The following FUBP3 variants were observed in gnomAD, a reference collection of about 807,000 sequenced individuals.
The protein encoded by FUBP3 is far upstream element-binding protein 3.
A neutral mutation model predicts 85.6 loss-of-function variants in FUBP3; 28 were observed. The ratio of observed to expected loss-of-function variants is 0.33; its 90% CI spans 0.24 to 0.45. The LOEUF (loss-of-function observed/expected upper bound fraction) is 0.45, where lower values mean the gene tolerates loss of function less well. FUBP3 is among the 20% of genes least tolerant of loss of function. The pLI is 1.00. For synonymous variants in FUBP3, 271 were observed against 271.4 expected (o/e 1.00, Z 0.01); for missense variants, 583 against 755.1 (o/e 0.77, Z 2.67).
rs565536810 is a variant in FUBP3, at chr9:130,613,505, G to T, written c.346+478G>T. 9.6e-4 allele frequency among the ~76,000 whole-genome samples: 146 copies of T among 152,276 alleles called. 1 individual carries two copies. The highest frequency in any genetic ancestry group is 1.9e-3 in the Non-Finnish European group (126 of 68,012). On this transcript the variant is annotated intron_variant, in intron 5 of 18. Transcript: ENST00000319725. ...ACATGTTTTATGACCTTTCCTAGCT[G>T]GGTCCATTTTGACCATGCAACATGG...
rs1039075877 is a variant in FUBP3, at chr9:130,616,083, G to A, written c.405-272G>A. ...TCCTAATAGGAGACGACACCTTTGT[G>A]GAGACACAAGCATGAGCAGAGGGCA... On this transcript the variant is annotated intron_variant, in intron 6 of 18. Transcript: ENST00000319725. This position sits in a 1 kb window ranked among gnomAD's most constrained non-coding sequence, Gnocchi z 4.7. Among the ~76,000 whole-genome samples, 1 of 152,204 alleles carries A rather than the reference G, an allele frequency of 6.6e-6. No homozygotes were observed. Among genetic ancestry groups the A allele is most frequent in the Non-Finnish European group, 1.5e-5 (1 of 68,034 alleles).
At chr9:130,585,606 G>T (rs558883831) in intron 1 of FUBP3, among the ~76,000 whole-genome samples, 9 of 152,314 alleles carry the variant, frequency 5.9e-5, no homozygotes, top group African/African-American at 2.2e-4. Context: ...CTTCTTTACT[G>T]TAGGACTTCT....
In FUBP3 at chr9:130,616,306, G is replaced by C; in HGVS notation, c.405-49G>C. 2 of 1,587,402 alleles carry C rather than the reference G, an allele frequency of 1.3e-6. No homozygotes were observed. Among genetic ancestry groups the C allele is most frequent in the Non-Finnish European group, 1.7e-6 (2 of 1,157,086 alleles). Reference sequence around the variant, plus strand: ...GCTATTTCCCTGTCTTGCACACTTAGAGCCTCCATTTAATGCTGGTTCTCT... The same window carrying C: ...GCTATTTCCCTGTCTTGCACACTTACAGCCTCCATTTAATGCTGGTTCTCT... On this transcript the variant is annotated intron_variant, in intron 6 of 18. Coordinates refer to ENST00000319725, the MANE Select transcript of FUBP3 (RefSeq NM_003934.2). This position sits in a 1 kb window ranked among gnomAD's most constrained non-coding sequence, Gnocchi z 4.7.
intron 1 of FUBP3, among the ~76,000 whole-genome samples, chr9:130,590,021 A>ATTTTTTTTTTTTT (rs60878897): frequency 2.2e-5 from 1 of 45,970 alleles, no homozygotes; most frequent in African/African-American, 9.6e-5. Flanking sequence ...GGCCTATTTA[A>ATTTTTTTTTTTTT]TTTTTTTTTT....
chr9:130,631,272 A>C, intron 13 of FUBP3: 1 of 1,336,182 alleles, frequency 7.5e-7, no homozygotes. Context: ...GGCCAGCCTA[A>C]GTTGACGGGA....
chr9:130,624,649 G>A (rs1386286520), intron 11 of FUBP3, among the ~76,000 whole-genome samples: 1 of 140,236 alleles, frequency 7.1e-6, no homozygotes, highest in South Asian at 2.2e-4. Context: ...GTGTGTGTGT[G>A]TGTTTTTAAG....
At position 130,637,312 on chromosome 9, in the gene FUBP3, C is replaced by G. The variant is rs115100692; in HGVS notation, c.*290C>G. ...ACCAGAATGTGCCTCAGAGCTGTGA[C>G]ATTTCAACATGATGGTTTTGGTTTG... On this transcript the variant is annotated 3_prime_UTR_variant, in exon 19 of 19. Coordinates refer to ENST00000319725, the MANE Select transcript of FUBP3 (RefSeq NM_003934.2). 2,142 of 404,236 alleles carry G rather than the reference C, an allele frequency of 5.3e-3. 38 individuals are homozygous for G. The highest frequency in any genetic ancestry group is 0.04 in the African/African-American group (1,968 of 49,564). The allele number at this position is 404,236 out of a possible 1,614,324, so 25.0% of individuals were successfully genotyped here.
Position 130,606,024 on chromosome 9 carries a change from A to G in FUBP3, c.191-3930A>G, listed in dbSNP as rs530604529. 9.2e-5 allele frequency among the ~76,000 whole-genome samples: 14 copies of G among 152,314 alleles called. No homozygotes were observed. The East Asian group carries it at 2.1e-3, about 23-fold the overall frequency. Reference sequence around the variant, plus strand: ...CAAAAAAGAGTGACATTATTGAGATAAACTTGAATTTACTTTCACTTTTTA... The same window carrying G: ...CAAAAAAGAGTGACATTATTGAGATGAACTTGAATTTACTTTCACTTTTTA... On this transcript the variant is annotated intron_variant, in intron 2 of 18. Coordinates refer to ENST00000319725, the MANE Select transcript of FUBP3 (RefSeq NM_003934.2).
In FUBP3 at chr9:130,623,810, C is replaced by T. The variant is rs1392395615; in HGVS notation, c.975+99C>T. ...GCACCATAGAGCTGTCACCCTGAGG[C>T]GTCTCAAGTCACATTATGGGAAACC... is the stretch of plus-strand genomic sequence containing the variant. On this transcript the variant is annotated intron_variant, in intron 11 of 18. Coordinates refer to ENST00000319725, the MANE Select transcript of FUBP3 (RefSeq NM_003934.2). The T allele has an allele frequency of 2.4e-5, 15 of 626,042 alleles. No homozygotes were observed. The East Asian group carries it at 3.3e-4, about 14-fold the overall frequency. The allele number at this position is 626,042 out of a possible 1,614,324, so 38.8% of individuals were successfully genotyped here.
Position 130,631,572 on chromosome 9 carries a change from G to A in FUBP3, c.1294G>A (p.Ala432Thr). The A allele has an allele frequency of 6.2e-7, 1 of 1,613,896 alleles. No homozygotes were observed. The highest frequency in any genetic ancestry group is 8.5e-7 in the Non-Finnish European group (1 of 1,179,776). Residue 432 changes from alanine to threonine, a missense_variant, in exon 14 of 19, where the codon GCA (alanine) becomes ACA (threonine). By Grantham distance (58) the Ala-to-Thr change is moderately conservative. Transcript: ENST00000319725. ...DEKVGGTNLGAPGAFGQSPFS... is the reference protein window; with the variant it reads ...DEKVGGTNLGTPGAFGQSPFS... ...GCCCCCACAGGGGACCAATCTCGGA[G>A]CACCTGGAGCCTTCGGACAGAGTCC...
chr9:130,582,149 G>C (rs765202848), intron 1 of FUBP3: 13 of 152,152 alleles, frequency 8.5e-5, no homozygotes, highest in Non-Finnish European at 1.3e-4. Flanking sequence ...CATTCTATAG[G>C]GTAGTAGAAA....
chr9:130,610,581 C>T (rs565397114), intron 3 of FUBP3, among the ~76,000 whole-genome samples: 1 of 152,324 alleles, frequency 6.6e-6, no homozygotes, highest in African/African-American at 2.4e-5. Flanking sequence ...CTGAGTTTTA[C>T]AAAGGCCAAT....
At position 130,636,894 on chromosome 9, in the gene FUBP3, C is replaced by CTCTT. The variant is rs557098036; in HGVS notation, c.1711-119_1711-116dup. On this transcript the variant is annotated intron_variant, in intron 18 of 18. Transcript: ENST00000319725. ...CCTAGTGGAGAGAGAAGCCCAAGAC[C>CTCTT]TCTTCAGCAGAGGTTTTGTCTGGCC... 2.1e-4 allele frequency: 176 copies of CTCTT among 834,386 alleles called. No homozygotes were observed. In the African/African-American group the frequency reaches 2.8e-3, roughly 13 times the overall value. 51.7% of individuals were successfully genotyped at this position (834,386 alleles called of 1,614,324 possible). A position where few individuals can be genotyped will look rare whatever the true frequency, so the allele number is the denominator to read the frequency against.
chr9:130,628,023 CTAAT>C (rs779862464), intron 12 of FUBP3, among the ~76,000 whole-genome samples: 1 of 152,038 alleles, frequency 6.6e-6, no homozygotes, highest in Non-Finnish European at 1.5e-5. Flanking sequence ...CTAAAGAAGC[CTAAT>C]TAGTGTCTCG....
chr9:130,599,328 T>C (rs1384033061), intron 2 of FUBP3, among the ~76,000 whole-genome samples: 2 of 143,882 alleles, frequency 1.4e-5, no homozygotes, highest in Non-Finnish European at 3.0e-5. Flanking sequence ...TACACATATA[T>C]ACACACATAT....
chr9:130,596,219 A>G (rs915348661), intron 2 of FUBP3, among the ~76,000 whole-genome samples: 9 of 152,194 alleles, frequency 5.9e-5, no homozygotes, highest in Non-Finnish European at 1.3e-4. Flanking sequence ...GAGAGCTTGG[A>G]CATCTTTATC....
chr9:130,631,361 A>G (rs1830201901), intron 13 of FUBP3, 196 bp from the exon 14 acceptor site: 1 of 1,411,192 alleles, frequency 7.1e-7, no homozygotes, highest in Admixed American at 2.9e-5. Context: ...GTGTGGTGGT[A>G]TTGGTCGCTG....
intron 3 of FUBP3, among the ~76,000 whole-genome samples, chr9:130,611,804 T>G (rs1831758154): frequency 7.4e-6 from 1 of 135,282 alleles, no homozygotes; most frequent in African/African-American, 3.3e-5. Context: ...CAGTAGTAGT[T>G]TAAAAAAAAA....
At chr9:130,580,849 C>T (rs1830105241) in intron 1 of FUBP3, 1 of 152,192 alleles carries the variant, frequency 6.6e-6, no homozygotes, top group Non-Finnish European at 1.5e-5. Flanking sequence ...ACCTGTGGTT[C>T]CACCTAAAAT....
Sources: gnomAD v4.1 joint callset for allele counts (sites outside exome capture counted in the v4.1 genomes callset) on GRCh38, gnomAD v4.1.1 for gene constraint, Gnocchi (gnomAD v3.1) non-coding constraint, MANE v1.5 for transcripts, NCBI Gene and HGNC (gene_info 2026-07-23, HGNC 2026-07-21) for gene names.